The following TMEM132B variants were observed in gnomAD, a reference collection of about 807,000 sequenced individuals.
TMEM132B encodes the protein transmembrane protein 132B.
Under a neutral mutation model 90.8 loss-of-function variants are expected in TMEM132B, and 18 were observed. The ratio of observed to expected loss-of-function variants is 0.20; its 90% CI spans 0.14 to 0.29. The LOEUF is 0.29. Ranked by LOEUF, TMEM132B falls within the 10% of genes least tolerant of loss-of-function variation. The probability of loss-of-function intolerance (pLI) is 1.00; values close to 1 mark genes in which losing one functional copy is unlikely to be tolerated. For missense variants in TMEM132B, 1,096 were observed against 1,326.8 expected (o/e 0.83, Z 2.70); for synonymous variants, 504 against 523.3 (o/e 0.96, Z 0.50).
chr12:125,409,451 C>T (rs1039677629), intron 2 of TMEM132B, among the ~76,000 whole-genome samples: 1 of 152,078 alleles, frequency 6.6e-6, no homozygotes, highest in Non-Finnish European at 1.5e-5. Flanking sequence ...TGCACAGGAG[C>T]TGATTGAGGG....
intron 2 of TMEM132B, among the ~76,000 whole-genome samples, chr12:125,385,774 A>G (rs1593116475): frequency 6.6e-6 from 1 of 152,230 alleles, no homozygotes; most frequent in East Asian, 1.9e-4. Context: ...TCAGTGTTAC[A>G]TAATATTTCT....
chr12:125,309,492 C>A (rs1459317665), intron 1 of TMEM132B, among the ~76,000 whole-genome samples: 1 of 151,974 alleles, frequency 6.6e-6, no homozygotes, highest in Non-Finnish European at 1.5e-5. Context: ...ATTTTCTGAG[C>A]ACCTACTATG....
At chr12:125,288,115 C>A (rs187488615) in intron 1 of TMEM132B, among the ~76,000 whole-genome samples, 2 of 149,110 alleles carry the variant, frequency 1.3e-5, no homozygotes, top group Admixed American at 1.3e-4. Flanking sequence ...TTCAGGTGAT[C>A]CGCCAGCCTT....
chr12:125,429,550 A>G (rs570781376), intron 3 of TMEM132B, among the ~76,000 whole-genome samples: 41 of 152,266 alleles, frequency 2.7e-4, no homozygotes, highest in Admixed American at 7.8e-4. Flanking sequence ...ACATTTAGTC[A>G]TCGTGTCTCC....
intron 1 of TMEM132B, among the ~76,000 whole-genome samples, chr12:125,227,621 G>A (rs1452427723): frequency 6.6e-6 from 1 of 152,166 alleles, no homozygotes; most frequent in Admixed American, 6.5e-5. Context: ...TCCCTCTTGA[G>A]CTCAGTGTCT....
intron 1 of TMEM132B, among the ~76,000 whole-genome samples, chr12:125,233,619 C>A (rs900415845): frequency 6.6e-6 from 1 of 152,200 alleles, no homozygotes; most frequent in Non-Finnish European, 1.5e-5. Flanking sequence ...TTGGGGTTCC[C>A]TTTTTAACAA....
chr12:125,202,366 G>C (rs1484417282), intron 1 of TMEM132B, among the ~76,000 whole-genome samples: 1 of 152,188 alleles, frequency 6.6e-6, no homozygotes, highest in African/African-American at 2.4e-5. Context: ...ACAGCCCCAG[G>C]TCCTCTGCCA....
chr12:125,503,762 A>G (rs1054319835), intron 3 of TMEM132B, among the ~76,000 whole-genome samples: 4 of 152,214 alleles, frequency 2.6e-5, no homozygotes, highest in African/African-American at 9.6e-5. Context: ...TCTTACCACT[A>G]TAATTGATGT....
At chr12:125,217,014 T>G (rs1276597337) in intron 1 of TMEM132B, among the ~76,000 whole-genome samples, 1 of 152,248 alleles carries the variant, frequency 6.6e-6, no homozygotes, top group Non-Finnish European at 1.5e-5. Context: ...TGCACTGGCT[T>G]GTAATTAAAA....
intron 5 of TMEM132B, among the ~76,000 whole-genome samples, chr12:125,625,335 G>A (rs1886208648): frequency 6.6e-6 from 1 of 151,846 alleles, no homozygotes; most frequent in African/African-American, 2.4e-5. Context: ...GGGTTTCACC[G>A]TGTTAGCCAG....
At chr12:125,433,671 T>TC (rs1031155399) in intron 3 of TMEM132B, among the ~76,000 whole-genome samples, 23 of 71,768 alleles carry the variant, frequency 3.2e-4, no homozygotes, top group Non-Finnish European at 5.2e-4. Flanking sequence ...CCCTCCCCCC[T>TC]CCCCCCACCC....
intron 3 of TMEM132B, among the ~76,000 whole-genome samples, chr12:125,437,653 G>A (rs977205581): frequency 6.6e-6 from 1 of 152,194 alleles, no homozygotes; most frequent in African/African-American, 2.4e-5. Flanking sequence ...AAGGAATGAA[G>A]CAGCAACACA....
intron 3 of TMEM132B, among the ~76,000 whole-genome samples, chr12:125,454,716 A>C (rs1404620390): frequency 2.0e-5 from 3 of 152,338 alleles, no homozygotes. Context: ...AGGTTTCTCC[A>C]TTTGTTTGCT....
rs1254366791 is a variant in TMEM132B at position 125,186,899 on chromosome 12, G to C, written c.67+33G>C. 1 of 152,124 alleles carries C rather than the reference G, an allele frequency of 6.6e-6. No homozygotes were observed. The highest frequency in any genetic ancestry group is 1.5e-5 in the Non-Finnish European group (1 of 68,068). The allele number at this position is 152,124 out of a possible 1,614,324, so 9.4% of individuals were successfully genotyped here. ...GTCCCCGGACCCCATCCCCGACCCC[G>C]GCCGAGGCGCACAAAGTTGGGTGAA... On this transcript the variant is annotated intron_variant, in intron 1 of 8. Transcript: ENST00000682704. The surrounding 1 kb of genome is among the most constrained non-coding windows in gnomAD (Gnocchi z 6.3).
chr12:125,187,802 A>G (rs574486196), intron 1 of TMEM132B, among the ~76,000 whole-genome samples: 83 of 123,744 alleles, frequency 6.7e-4, no homozygotes, highest in African/African-American at 2.5e-3. Context: ...CAGTGGAGAA[A>G]ATCCTAAAGG....
chr12:125,265,924 A>G (rs1453003370), intron 1 of TMEM132B, among the ~76,000 whole-genome samples: 2 of 151,992 alleles, frequency 1.3e-5, no homozygotes, highest in African/African-American at 2.4e-5. Flanking sequence ...AGCTTAAAGG[A>G]TTATATATTA....
intron 3 of TMEM132B, among the ~76,000 whole-genome samples, chr12:125,440,664 C>T (rs1880844120): frequency 6.6e-6 from 1 of 152,186 alleles, no homozygotes; most frequent in South Asian, 2.1e-4. Flanking sequence ...ACTATTGCTA[C>T]TCAGTGTTGG....
At chr12:125,188,786 C>G (rs1372588836) in intron 1 of TMEM132B, among the ~76,000 whole-genome samples, 1 of 145,366 alleles carries the variant, frequency 6.9e-6, no homozygotes, top group Non-Finnish European at 1.5e-5. Flanking sequence ...TTAACTGGTC[C>G]CTACCAGGGA....
At position 125,301,930 on chromosome 12, in the gene TMEM132B, G is replaced by A. The variant is rs186083495; in HGVS notation, c.68-47522G>A. On this transcript the variant is annotated intron_variant, in intron 1 of 8. Transcript: ENST00000682704. ...AAAAAAGAAAAAATTGGCTGGGTGC[G>A]GTGGCTCATGCCTGTAATCCCAGCA... is the stretch of plus-strand genomic sequence containing the variant. The A allele has an allele frequency of 1.4e-4, 18 of 128,514 alleles. 1 individual carries two copies. The East Asian group carries it at 2.6e-3, about 19-fold the overall frequency. The allele number at this position is 128,514 out of a possible 1,614,324, so 8.0% of individuals were successfully genotyped here.
Sources: gnomAD v4.1 joint callset for allele counts (sites outside exome capture counted in the v4.1 genomes callset) on GRCh38, gnomAD v4.1.1 for gene constraint, Gnocchi (gnomAD v3.1) non-coding constraint, MANE v1.5 for transcripts, NCBI Gene and HGNC (gene_info 2026-07-23, HGNC 2026-07-21) for gene names.